Variants in LRCH2 observed in about 807,000 individuals in gnomAD.
The protein encoded by LRCH2 is leucine-rich repeat and calponin homology domain-containing protein 2.
Under a neutral mutation model 68.9 loss-of-function variants are expected in LRCH2, and 38 were observed. The observed-to-expected ratio is 0.55, with a 90% CI of 0.43 to 0.72. The LOEUF (loss-of-function observed/expected upper bound fraction) is 0.72, where lower values mean the gene tolerates loss of function less well. LRCH2 is among the 30% of genes least tolerant of loss of function. The probability of loss-of-function intolerance (pLI) is 0.00; values close to 1 mark genes in which losing one functional copy is unlikely to be tolerated. For synonymous variants in LRCH2, 191 were observed against 208.1 expected (o/e 0.92, Z 0.71); for missense variants, 528 against 572.9 (o/e 0.92, Z 0.80).
chrX:115,149,762 A>G, intron 14 of LRCH2, 65 bp downstream of exon 14: 1 of 753,991 alleles, frequency 1.3e-6, no homozygotes, highest in South Asian at 3.0e-5. Context: ...TATTAACTCA[A>G]AACAAAACTG....
rs142988947 is a variant in LRCH2 at position 115,209,983 on chromosome X, A to G, written c.350-21613T>C. Among the ~76,000 whole-genome samples, 333 of 111,766 alleles carry G rather than the reference A, an allele frequency of 3.0e-3. 3 individuals carry two copies. Among genetic ancestry groups the G allele is most frequent in the African/African-American group, 0.011 (325 of 30,760 alleles). ...GGTGGAAGAAATTTCTAGGCAGCAA[A>G]GCATTCAAGAGGTGACTTAGGTGCC... On this transcript the variant is annotated intron_variant, in intron 1 of 20. Coordinates refer to ENST00000317135, the MANE Select transcript of LRCH2 (RefSeq NM_020871.4).
intron 1 of LRCH2, chrX:115,189,554 T>C: frequency 8.5e-7 from 1 of 1,176,675 alleles, no homozygotes; most frequent in Non-Finnish European, 1.1e-6. Context: ...ATCAAGGTGT[T>C]CCTGATGAAA....
At chrX:115,217,171 A>G (rs781958720) in intron 1 of LRCH2, among the ~76,000 whole-genome samples, 1 of 111,317 alleles carries the variant, frequency 9.0e-6, no homozygotes, top group South Asian at 3.8e-4. Context: ...AATAGTCTAG[A>G]CTTCATCACT....
At chrX:115,152,095 C>T (rs2072436539) in intron 12 of LRCH2, among the ~76,000 whole-genome samples, 1 of 111,448 alleles carries the variant, frequency 9.0e-6, no homozygotes, top group Admixed American at 9.6e-5. Context: ...GAATAATTCC[C>T]AGATTCTCAG....
At position 115,189,996 on chromosome X, in the gene LRCH2, G is replaced by A. The variant is rs1556556738; in HGVS notation, c.350-1626C>T. On this transcript the variant is annotated intron_variant, in intron 1 of 20. Coordinates refer to ENST00000317135, the MANE Select transcript of LRCH2 (RefSeq NM_020871.4). ...GAATGCGCGGGAAGGCACCGACTGT[G>A]TCGGGGCAAGATGGCTACTCAGGCT... The A allele has an allele frequency of 5.2e-6, 6 of 1,162,516 alleles. No homozygotes were observed. In the South Asian group the frequency reaches 1.1e-4, roughly 22 times the overall value.
At chrX:115,189,564 A>G (rs1556556165) in intron 1 of LRCH2, 1 of 1,173,892 alleles carries the variant, frequency 8.5e-7, no homozygotes, top group East Asian at 3.2e-5. Context: ...TCCTGATGAA[A>G]GACCGAAAAA....
At chrX:115,120,946 T>C in intron 20 of LRCH2, among the ~76,000 whole-genome samples, 1 of 99,614 alleles carries the variant, frequency 1.0e-5, no homozygotes, top group African/African-American at 3.7e-5. Flanking sequence ...CCGCATATTC[T>C]CACTCATAGG....
chrX:115,170,186 T>C (rs1556546977), intron 6 of LRCH2, 113 bp downstream of exon 6: 1 of 670,240 alleles, frequency 1.5e-6, no homozygotes, highest in Admixed American at 5.6e-5. Flanking sequence ...TTATTTATTT[T>C]AGTGCTGGAC....
At chrX:115,222,095 C>T (rs782226151) in intron 1 of LRCH2, among the ~76,000 whole-genome samples, 69 of 111,439 alleles carry the variant, frequency 6.2e-4, no homozygotes, top group Non-Finnish European at 1.1e-3. Flanking sequence ...GTGGGGTCAT[C>T]TTATATTCAA....
intron 1 of LRCH2, among the ~76,000 whole-genome samples, chrX:115,193,279 T>C (rs1556561956): frequency 8.9e-6 from 1 of 112,361 alleles, no homozygotes; most frequent in Non-Finnish European, 1.9e-5. Context: ...TATATTTACA[T>C]ACCGATGAAT....
chrX:115,218,132 G>A lies in LRCH2; in HGVS notation c.349+15561C>T, dbSNP rs782042859. Among the ~76,000 whole-genome samples the A allele has an allele frequency of 6.3e-5, 7 of 111,025 alleles. No homozygotes were observed. The East Asian group carries it at 8.5e-4, about 14-fold the overall frequency. ...AGCCTGGGCAACAGAGGGAGCCCCC[G>A]TCTCAAAGAATAAAAAAGTTAATTA... On this transcript the variant is annotated intron_variant, in intron 1 of 20. Coordinates refer to ENST00000317135, the MANE Select transcript of LRCH2 (RefSeq NM_020871.4).
At chrX:115,207,633 G>A (rs2072978440) in intron 1 of LRCH2, among the ~76,000 whole-genome samples, 1 of 111,727 alleles carries the variant, frequency 9.0e-6, no homozygotes, top group African/African-American at 3.3e-5. Flanking sequence ...ACCTTCTTAG[G>A]CAACAAACAG....
At chrX:115,199,857 G>A (rs1249756072) in intron 1 of LRCH2, among the ~76,000 whole-genome samples, 2 of 112,234 alleles carry the variant, frequency 1.8e-5, no homozygotes, top group Non-Finnish European at 3.8e-5. Flanking sequence ...CTCTTTCGAT[G>A]AGCACATGGA....
chrX:115,184,309 T>G (rs2072715575), intron 3 of LRCH2, 102 bp downstream of exon 3: 2 of 705,353 alleles, frequency 2.8e-6, no homozygotes, highest in Non-Finnish European at 3.9e-6. Context: ...AAGTTAGTAC[T>G]TTTTTTAAAA....
chrX:115,192,489 C>T, intron 1 of LRCH2: 1 of 1,171,062 alleles, frequency 8.5e-7, no homozygotes, highest in Non-Finnish European at 1.1e-6. Flanking sequence ...GGGGTCGAGA[C>T]CGGGTAGGCA....
At chrX:115,213,632 A>C (rs1274718513) in intron 1 of LRCH2, among the ~76,000 whole-genome samples, 1 of 112,216 alleles carries the variant, frequency 8.9e-6, no homozygotes, top group Non-Finnish European at 1.9e-5. Flanking sequence ...GAATGCAAAA[A>C]GAATCACCTC....
chrX:115,156,979 T>A (rs186940586), intron 11 of LRCH2, among the ~76,000 whole-genome samples: 1 of 111,474 alleles, frequency 9.0e-6, no homozygotes, highest in East Asian at 2.8e-4. Flanking sequence ...AGAGGTACCA[T>A]CGTGACTGAT....
At position 115,234,047 on chromosome X, in the gene LRCH2, T is replaced by C; in HGVS notation, c.-6A>G. 8.6e-7 allele frequency: 1 copy of C among 1,163,286 alleles called. No homozygotes were observed. Among genetic ancestry groups the C allele is most frequent in the Non-Finnish European group, 1.1e-6 (1 of 871,336 alleles). On this transcript the variant is annotated 5_prime_UTR_variant, in exon 1 of 21. Coordinates refer to ENST00000317135, the MANE Select transcript of LRCH2 (RefSeq NM_020871.4). ...CCTCCCTGACTCGCCGCCATGTTCC[T>C]GGGAGAGAGAATAGCCCCCGACAAT...
chrX:115,124,258 G>C (rs1035148381), intron 16 of LRCH2, among the ~76,000 whole-genome samples: 1 of 111,688 alleles, frequency 9.0e-6, no homozygotes, highest in African/African-American at 3.2e-5. Flanking sequence ...AAAATCATTA[G>C]TGAACTGTAT....
Sources: allele counts gnomAD v4.1 joint callset (sites outside exome capture counted in the v4.1 genomes callset), GRCh38; gene constraint gnomAD v4.1.1; transcripts MANE v1.5; gene names NCBI Gene and HGNC (gene_info 2026-07-23, HGNC 2026-07-21).